AKAP6: variants seen among roughly 807,000 people sequenced by gnomAD.
AKAP6 encodes the protein A-kinase anchor protein 6.
In AKAP6, 58 loss-of-function variants were observed where a neutral mutation model predicts 188.5. That is an observed-to-expected ratio of 0.31 (90% CI 0.25 to 0.38). The LOEUF (loss-of-function observed/expected upper bound fraction) is 0.38, where lower values mean the gene tolerates loss of function less well. AKAP6 is among the 10% of genes least tolerant of loss of function. The probability of loss-of-function intolerance (pLI) is 1.00; values close to 1 mark genes in which losing one functional copy is unlikely to be tolerated. For missense variants in AKAP6, 2,710 were observed against 2,740.0 expected (o/e 0.99, Z 0.24); for synonymous variants, 989 against 998.6 (o/e 0.99, Z 0.18).
chr14:32,738,327 A>G (rs75076914), intron 11 of AKAP6, among the ~76,000 whole-genome samples: 1 of 152,136 alleles, frequency 6.6e-6, no homozygotes, highest in African/African-American at 2.4e-5. Context: ...AAATGGGAAG[A>G]TATTATTCAT....
intron 2 of AKAP6, among the ~76,000 whole-genome samples, chr14:32,509,120 C>CTTT (rs368423502): frequency 2.7e-4 from 26 of 94,764 alleles, no homozygotes; most frequent in East Asian, 3.8e-4. Context: ...TGCCCTGCCT[C>CTTT]TTTTTTTTTT....
intron 3 of AKAP6, among the ~76,000 whole-genome samples, chr14:32,540,611 G>T (rs1398956978): frequency 6.6e-6 from 1 of 152,026 alleles, no homozygotes; most frequent in East Asian, 1.9e-4. Flanking sequence ...CTGAAATAAG[G>T]GCAGTAAAAC....
intron 11 of AKAP6, among the ~76,000 whole-genome samples, chr14:32,760,506 C>T (rs2032500443): frequency 6.6e-6 from 1 of 152,148 alleles, no homozygotes; most frequent in African/African-American, 2.4e-5. Flanking sequence ...TTTCAATCCA[C>T]ATTGCTTCTC....
chr14:32,473,708 G>A (rs148438876), intron 2 of AKAP6: 3 of 152,320 alleles, frequency 2.0e-5, no homozygotes, highest in East Asian at 1.9e-4. Context: ...TGCTTTAGAT[G>A]GTAGGTAACT....
At chr14:32,437,198 C>T (rs1890409744) in intron 2 of AKAP6, among the ~76,000 whole-genome samples, 2 of 152,118 alleles carry the variant, frequency 1.3e-5, no homozygotes, top group Admixed American at 1.3e-4. Flanking sequence ...GGATCCTCAC[C>T]AAGCTATCAG....
At chr14:32,343,465 G>T (rs1384285949) in intron 1 of AKAP6, among the ~76,000 whole-genome samples, 3 of 151,908 alleles carry the variant, frequency 2.0e-5, no homozygotes, top group African/African-American at 7.3e-5. Context: ...TACTCCAGCT[G>T]CCCTGCTTCC....
At chr14:32,449,405 C>T (rs1890859640) in intron 2 of AKAP6, among the ~76,000 whole-genome samples, 1 of 151,422 alleles carries the variant, frequency 6.6e-6, no homozygotes. Flanking sequence ...GCCTCTAATC[C>T]CAGCCACTCA....
chr14:32,373,099 G>C (rs184991829), intron 1 of AKAP6, among the ~76,000 whole-genome samples: 2 of 151,436 alleles, frequency 1.3e-5, no homozygotes, highest in Non-Finnish European at 2.9e-5. Context: ...GGCTTTTTTG[G>C]GGGGGTGGGG....
chr14:32,358,424 G>T (rs1351267492), intron 1 of AKAP6, among the ~76,000 whole-genome samples: 1 of 152,104 alleles, frequency 6.6e-6, no homozygotes, highest in Non-Finnish European at 1.5e-5. Flanking sequence ...ATGAACTCTT[G>T]CTTATTTTCT....
chr14:32,566,582 A>C (rs541878984), intron 4 of AKAP6, among the ~76,000 whole-genome samples: 4 of 152,248 alleles, frequency 2.6e-5, no homozygotes, highest in Admixed American at 2.0e-4. Flanking sequence ...ATACATAGTA[A>C]ACTCTCAATA....
At chr14:32,531,940 G>A (rs923531257) in intron 2 of AKAP6, among the ~76,000 whole-genome samples, 4 of 152,112 alleles carry the variant, frequency 2.6e-5, no homozygotes, top group Admixed American at 1.3e-4. Flanking sequence ...AGCAATTGTG[G>A]GTGGAGCTTC....
intron 1 of AKAP6, among the ~76,000 whole-genome samples, chr14:32,424,264 T>C (rs910400146): frequency 6.6e-6 from 1 of 152,072 alleles, no homozygotes; most frequent in Non-Finnish European, 1.5e-5. Flanking sequence ...TAACATGGCA[T>C]TCTCATCCCT....
intron 1 of AKAP6, among the ~76,000 whole-genome samples, chr14:32,391,612 C>T (rs942152389): frequency 6.6e-6 from 1 of 152,186 alleles, no homozygotes; most frequent in African/African-American, 2.4e-5. Context: ...AACACCATCT[C>T]CCTCGGTGCT....
At chr14:32,750,948 G>A (rs1362089339) in intron 11 of AKAP6, among the ~76,000 whole-genome samples, 1 of 151,652 alleles carries the variant, frequency 6.6e-6, no homozygotes, top group Non-Finnish European at 1.5e-5. Flanking sequence ...TGTTAGCCAG[G>A]ATGGTCTCCA....
intron 2 of AKAP6, among the ~76,000 whole-genome samples, chr14:32,482,934 G>A (rs1049484782): frequency 3.3e-5 from 5 of 151,456 alleles, no homozygotes; most frequent in Non-Finnish European, 5.9e-5. Context: ...AGAAATTCTA[G>A]AATTGTATTT....
intron 8 of AKAP6, 103 bp downstream of exon 8, chr14:32,678,562 CA>C: frequency 7.6e-7 from 1 of 1,324,108 alleles, no homozygotes; most frequent in Non-Finnish European, 1.1e-6. Flanking sequence ...AGCAAACCGA[CA>C]AGGAGAAGCT....
intron 12 of AKAP6, among the ~76,000 whole-genome samples, chr14:32,808,822 G>A (rs2034153108): frequency 6.6e-6 from 1 of 152,110 alleles, no homozygotes; most frequent in African/African-American, 2.4e-5. Flanking sequence ...CATGTTTGGT[G>A]TGCAGTAATA....
chr14:32,369,217 A>T (rs975515218), intron 1 of AKAP6, among the ~76,000 whole-genome samples: 5 of 152,182 alleles, frequency 3.3e-5, no homozygotes, highest in African/African-American at 9.7e-5. Flanking sequence ...GGTGGAAGGA[A>T]GTGAATGGAT....
chr14:32,634,948 G>A (rs907767080), intron 7 of AKAP6, among the ~76,000 whole-genome samples: 1 of 151,722 alleles, frequency 6.6e-6, no homozygotes, highest in African/African-American at 2.4e-5. Context: ...TTAGTTACAT[G>A]AGTAAGTTCT....
Sources: gnomAD v4.1 joint callset for allele counts (sites outside exome capture counted in the v4.1 genomes callset) on GRCh38, gnomAD v4.1.1 for gene constraint, MANE v1.5 for transcripts, NCBI Gene and HGNC (gene_info 2026-07-23, HGNC 2026-07-21) for gene names.